NEO1: variants seen among roughly 807,000 people sequenced by gnomAD.
NEO1 encodes the protein neogenin.
In NEO1, 63 loss-of-function variants were observed where a neutral mutation model predicts 159.7. The observed-to-expected ratio is 0.39, with a 90% CI of 0.32 to 0.49. The LOEUF is 0.49. NEO1 is among the 20% of genes least tolerant of loss of function. The pLI is 0.85. For synonymous variants in NEO1, 633 were observed against 662.0 expected, an observed-to-expected ratio of 0.96 and a Z score of 0.67; for missense variants, 1,615 against 1,831.0, an observed-to-expected ratio of 0.88 and a Z score of 2.15.
At position 73,171,085 on chromosome 15, in the gene NEO1, A is replaced by G. The variant is rs116294246; in HGVS notation, c.1016-5318A>G. Among the ~76,000 whole-genome samples the G allele has an allele frequency of 3.7e-3, 564 of 152,254 alleles. 2 individuals carry two copies. The highest frequency in any genetic ancestry group is 0.013 in the African/African-American group (540 of 41,552). ...CAGAAAGAACATGTTAAATACCACT[A>G]TGGCAATGTGGTCAGCAAAAGACAG... On this transcript the variant is annotated intron_variant, in intron 5 of 28. Coordinates refer to ENST00000261908, the MANE Select transcript of NEO1 (RefSeq NM_002499.4).
intron 7 of NEO1, among the ~76,000 whole-genome samples, chr15:73,184,506 C>A (rs117613544): frequency 2.0e-3 from 302 of 152,302 alleles, no homozygotes; most frequent in Non-Finnish European, 3.0e-3. Context: ...AAGTTATGTC[C>A]ACACAAAACC....
intron 7 of NEO1, among the ~76,000 whole-genome samples, chr15:73,222,775 C>T (rs552907875): frequency 6.6e-6 from 1 of 152,136 alleles, no homozygotes; most frequent in East Asian, 1.9e-4. Context: ...GTTTCAGTTT[C>T]ATTTAGTTCT....
chr15:73,236,791 A>G (rs2039199633), intron 8 of NEO1, among the ~76,000 whole-genome samples: 1 of 152,222 alleles, frequency 6.6e-6, no homozygotes, highest in Non-Finnish European at 1.5e-5. Flanking sequence ...TTCAGTCAGT[A>G]TAAATTCTAG....
chr15:73,118,150 A>G (rs2071428654), intron 2 of NEO1, among the ~76,000 whole-genome samples: 1 of 151,986 alleles, frequency 6.6e-6, no homozygotes, highest in Admixed American at 6.6e-5. Flanking sequence ...AATCCAGTGA[A>G]TTCTGCTTAG....
chr15:73,288,337 G>A lies in NEO1; in HGVS notation c.3435G>A (p.Val1145=). ...QKKKRAACKS[V]NGSHKYKGNS... ...GGAAACGAGCTGCCTGCAAATCAGT[G>A]AATGGCTCTCATAAGTACAAAGGGA... Residue 1145 remains valine (V), a synonymous_variant, in exon 24 of 29, where the codon GTG becomes GTA. Transcript: ENST00000261908. The A allele has an allele frequency of 6.2e-7, 1 of 1,613,734 alleles. No homozygotes were observed. Among genetic ancestry groups the A allele is most frequent in the East Asian group, 2.2e-5 (1 of 44,866 alleles).
chr15:73,151,704 C>T (rs1039819834), intron 5 of NEO1, among the ~76,000 whole-genome samples: 5 of 152,152 alleles, frequency 3.3e-5, no homozygotes, highest in African/African-American at 1.2e-4. Flanking sequence ...AGTAACCACC[C>T]CCATGATTCA....
intron 8 of NEO1, among the ~76,000 whole-genome samples, chr15:73,238,937 T>C (rs1443204554): frequency 2.0e-5 from 3 of 152,068 alleles, no homozygotes; most frequent in African/African-American, 7.2e-5. Context: ...CAGCCTCCGC[T>C]TCCCAGGTTC....
intron 1 of NEO1, among the ~76,000 whole-genome samples, chr15:73,071,211 G>A (rs2151314952): frequency 6.6e-6 from 1 of 152,172 alleles, no homozygotes; most frequent in East Asian, 1.9e-4. Flanking sequence ...GCCTCCCAAA[G>A]TGCAGGCATG....
intron 7 of NEO1, among the ~76,000 whole-genome samples, chr15:73,179,706 G>A (rs1208159460): frequency 6.6e-6 from 1 of 152,190 alleles, no homozygotes; most frequent in Admixed American, 6.5e-5. Flanking sequence ...GGAGCTGAGA[G>A]GCAGTAAATT....
chr15:73,200,872 C>G (rs576033960), intron 7 of NEO1, among the ~76,000 whole-genome samples: 4 of 151,564 alleles, frequency 2.6e-5, no homozygotes, highest in South Asian at 4.2e-4. Context: ...TTGGTAGAGA[C>G]AGTTTCGCCA....
At chr15:73,150,944 GAGGTCCATCC>G (rs2033320366) in intron 5 of NEO1, among the ~76,000 whole-genome samples, 1 of 152,188 alleles carries the variant, frequency 6.6e-6, no homozygotes, top group Non-Finnish European at 1.5e-5. Flanking sequence ...TAACGTATTT[GAGGTCCATCC>G]ATGTTGCTGC....
intron 4 of NEO1, among the ~76,000 whole-genome samples, chr15:73,135,458 C>T (rs1197015843): frequency 5.3e-5 from 8 of 152,114 alleles, no homozygotes; most frequent in Non-Finnish European, 8.8e-5. Flanking sequence ...AACATTTTGC[C>T]CTCTTTATGT....
At chr15:73,209,861 G>T (rs2037453609) in intron 7 of NEO1, among the ~76,000 whole-genome samples, 1 of 152,080 alleles carries the variant, frequency 6.6e-6, no homozygotes, top group Non-Finnish European at 1.5e-5. Context: ...ACAAAAATTA[G>T]CTGGGCGTGG....
At chr15:73,236,247 G>C in intron 7 of NEO1, 100 bp from the exon 8 acceptor site, 1 of 1,525,090 alleles carries the variant, frequency 6.6e-7, no homozygotes, top group South Asian at 1.1e-5. Flanking sequence ...AAACCGTCGT[G>C]GTTTGCCCTT....
intron 1 of NEO1, among the ~76,000 whole-genome samples, chr15:73,100,972 C>T (rs1389470203): frequency 1.3e-5 from 2 of 152,164 alleles, no homozygotes; most frequent in Non-Finnish European, 2.9e-5. Context: ...GTTAATGATT[C>T]CTGTAACTAA....
intron 15 of NEO1, among the ~76,000 whole-genome samples, chr15:73,265,164 A>G (rs2040828886): frequency 6.6e-6 from 1 of 152,288 alleles, no homozygotes; most frequent in Middle Eastern, 3.4e-3. Context: ...GAACTAGGCA[A>G]AGAGTGGTGG....
intron 7 of NEO1, among the ~76,000 whole-genome samples, chr15:73,180,631 A>G (rs2035550671): frequency 6.6e-6 from 1 of 152,228 alleles, no homozygotes; most frequent in Admixed American, 6.5e-5. Context: ...TTACAAATCT[A>G]ACTCTAACAG....
chr15:73,239,782 A>G (rs767698492), intron 8 of NEO1, among the ~76,000 whole-genome samples: 2 of 152,214 alleles, frequency 1.3e-5, no homozygotes, highest in Non-Finnish European at 2.9e-5. Flanking sequence ...ATTTGTCAGA[A>G]CATATCCCTG....
intron 5 of NEO1, among the ~76,000 whole-genome samples, chr15:73,137,959 C>A (rs2031943595): frequency 6.6e-6 from 1 of 151,878 alleles, no homozygotes; most frequent in Non-Finnish European, 1.5e-5. Context: ...AAATAGGTGT[C>A]TTAGAGGAGA....
Sources: gnomAD v4.1 joint callset for allele counts (sites outside exome capture counted in the v4.1 genomes callset) on GRCh38, gnomAD v4.1.1 for gene constraint, MANE v1.5 for transcripts, NCBI Gene and HGNC (gene_info 2026-07-23, HGNC 2026-07-21) for gene names.